Variants in MSN observed in about 807,000 individuals in gnomAD.
The protein encoded by MSN is moesin, also known as epididymis luminal protein 70.
In MSN, 2 loss-of-function variants were observed where a neutral mutation model predicts 48.0. The observed-to-expected ratio is 0.04, with a 90% CI of 0.02 to 0.13. The LOEUF is 0.13. Among genes scored for constraint, MSN ranks in the 10% least tolerant of loss-of-function variants. MSN has a pLI of 1.00. For synonymous variants in MSN, 146 were observed against 166.9 expected, an observed-to-expected ratio of 0.87 and a Z score of 0.97; for missense variants, 267 against 470.1, an observed-to-expected ratio of 0.57 and a Z score of 3.99.
At chrX:65,691,512 C>G (rs2071172230) in intron 1 of MSN, among the ~76,000 whole-genome samples, 1 of 109,477 alleles carries the variant, frequency 9.1e-6, no homozygotes, top group Non-Finnish European at 1.9e-5. Context: ...GTTTCTTTTC[C>G]TTTTTTTTTG....
chrX:65,699,913 T>C (rs1428481380), intron 1 of MSN, among the ~76,000 whole-genome samples: 2 of 111,426 alleles, frequency 1.8e-5, no homozygotes, highest in Non-Finnish European at 3.8e-5. Flanking sequence ...GCATGTTGCT[T>C]TTTACCTTAC....
rs757008703 is a variant in MSN at position 65,740,371 on chromosome X, T to C, written c.*478T>C. 5.7e-6 allele frequency: 1 copy of C among 175,986 alleles called. No homozygotes were observed. The highest frequency in any genetic ancestry group is 2.9e-5 in the African/African-American group (1 of 34,040). The allele number at this position is 175,986 out of a possible 1,213,427, so 14.5% of individuals were successfully genotyped here. A position where few individuals can be genotyped will look rare whatever the true frequency, so the allele number is the denominator to read the frequency against. ...AGGATATCTTCTCCAGGATGTCAAC[T>C]GACCTAAAATTTGCCCTCCCATCCC... On this transcript the variant is annotated 3_prime_UTR_variant, in exon 13 of 13. Coordinates refer to ENST00000360270, the MANE Select transcript of MSN (RefSeq NM_002444.3).
intron 1 of MSN, among the ~76,000 whole-genome samples, chrX:65,671,608 A>G (rs1488713221): frequency 8.9e-6 from 1 of 112,051 alleles, no homozygotes; most frequent in Non-Finnish European, 1.9e-5. Context: ...AAGAGAGGTC[A>G]TATGAGAGAG....
rs765781143 is a variant in MSN, at chrX:65,609,069, A to G, written c.-22+20457A>G. Among the ~76,000 whole-genome samples, 4 of 106,273 alleles carry G rather than the reference A, an allele frequency of 3.8e-5. No individual in the cohort carries two copies. In the East Asian group the frequency reaches 8.8e-4, roughly 23 times the overall value. 92.3% of individuals were successfully genotyped at this position (106,273 alleles called of 115,157 possible). A position where few individuals can be genotyped will look rare whatever the true frequency, so the allele number is the denominator to read the frequency against. On this transcript the variant is annotated intron_variant, in intron 1 of 3. Transcript: ENST00000609672. Reference sequence around the variant, plus strand: ...AGCTCATTATTTTTTATTCATTTATATTTTATTTTTTATTATATTTATAGC... The same window carrying G: ...AGCTCATTATTTTTTATTCATTTATGTTTTATTTTTTATTATATTTATAGC...
intron 11 of MSN, 120 bp downstream of exon 11, chrX:65,738,737 G>A: frequency 1.4e-6 from 1 of 702,871 alleles, no homozygotes; most frequent in Non-Finnish European, 2.1e-6. Flanking sequence ...ACAGCAGGCA[G>A]CATGGGAGAA....
intron 1 of MSN, among the ~76,000 whole-genome samples, chrX:65,633,006 A>T (rs1159670224): frequency 9.0e-6 from 1 of 111,375 alleles, no homozygotes; most frequent in Non-Finnish European, 1.9e-5. Flanking sequence ...AAGCAAAGGG[A>T]GGGCTGGCAT....
intron 1 of MSN, among the ~76,000 whole-genome samples, chrX:65,680,010 G>C (rs2071038385): frequency 8.9e-6 from 1 of 112,261 alleles, no homozygotes; most frequent in South Asian, 3.6e-4. Context: ...CAGCTGCCTT[G>C]CTGGAAGCTT....
chrX:65,634,659 A>C (rs967683929), intron 1 of MSN, among the ~76,000 whole-genome samples: 1 of 112,825 alleles, frequency 8.9e-6, no homozygotes, highest in African/African-American at 3.2e-5. Context: ...TGAAATCAGC[A>C]CAAGGAAGTT....
At chrX:65,610,463 C>T (rs1341266628) in intron 1 of MSN, among the ~76,000 whole-genome samples, 2 of 112,252 alleles carry the variant, frequency 1.8e-5, no homozygotes, top group African/African-American at 6.5e-5. Flanking sequence ...GAATAATATT[C>T]CATTGTATGT....
At chrX:65,687,698 G>A in intron 1 of MSN, among the ~76,000 whole-genome samples, 1 of 111,790 alleles carries the variant, frequency 8.9e-6, no homozygotes, top group East Asian at 2.8e-4. Flanking sequence ...AACTCAGGTA[G>A]AGGCAGCATA....
At chrX:65,675,906 G>C (rs1383034765) in intron 1 of MSN, among the ~76,000 whole-genome samples, 1 of 112,366 alleles carries the variant, frequency 8.9e-6, no homozygotes, top group African/African-American at 3.2e-5. Flanking sequence ...CCAAAGTGGT[G>C]GGATTACAGG....
chrX:65,702,664 TAAAACAAAAC>T (rs761857454), intron 1 of MSN, among the ~76,000 whole-genome samples: 34 of 108,972 alleles, frequency 3.1e-4, no homozygotes, highest in East Asian at 5.7e-4. Context: ...AGACTCTGTC[TAAAACAAAAC>T]AAAACAAAAC....
chrX:65,671,415 T>A (rs2070940166), intron 1 of MSN, among the ~76,000 whole-genome samples: 1 of 111,382 alleles, frequency 9.0e-6, no homozygotes, highest in South Asian at 3.8e-4. Context: ...GGTGTTTGGG[T>A]CGGCATTCAG....
chrX:65,705,203 C>G (rs7891236), intron 1 of MSN, among the ~76,000 whole-genome samples: 24,007 of 111,227 alleles, frequency 0.22, 6,301 homozygotes, highest in African/African-American at 0.75. Flanking sequence ...TGATCTCTGA[C>G]GTCTTTTTCA....
chrX:65,652,389 G>C (rs1385637956), intron 1 of MSN, among the ~76,000 whole-genome samples: 1 of 111,639 alleles, frequency 9.0e-6, no homozygotes, highest in Non-Finnish European at 1.9e-5. Context: ...CACAATCCTT[G>C]CCTTTAGGAG....
intron 1 of MSN, among the ~76,000 whole-genome samples, chrX:65,601,566 G>A (rs915619640): frequency 1.8e-5 from 2 of 112,758 alleles, no homozygotes. Context: ...GAAAGGCCAC[G>A]GTGGCTGGCT....
intron 7 of MSN, 102 bp from the exon 8 acceptor site, chrX:65,735,165 T>G: frequency 1.1e-6 from 1 of 940,548 alleles, no homozygotes; most frequent in Non-Finnish European, 1.5e-6. Flanking sequence ...GGAGGTCAGA[T>G]TAAATATTCT....
At chrX:65,715,306 G>GT (rs1393329913) in intron 1 of MSN, among the ~76,000 whole-genome samples, 4 of 111,492 alleles carry the variant, frequency 3.6e-5, no homozygotes, top group Non-Finnish European at 7.5e-5. Flanking sequence ...TATTCAGGCT[G>GT]TTTTTTTGTT....
At chrX:65,667,297 T>C (rs1401607537), upstream of MSN, among the ~76,000 whole-genome samples, 3 of 111,367 alleles carry the variant, frequency 2.7e-5, no homozygotes, top group Non-Finnish European at 5.7e-5. Context: ...AAGGAAAAGA[T>C]AGGTAGTGAG....
Sources: allele counts gnomAD v4.1 joint callset (sites outside exome capture counted in the v4.1 genomes callset), GRCh38; gene constraint gnomAD v4.1.1; transcripts MANE v1.5; gene names NCBI Gene and HGNC (gene_info 2026-07-23, HGNC 2026-07-21).